AKT3: variants seen among roughly 807,000 people sequenced by gnomAD.
AKT3 encodes the protein AKT serine/threonine kinase 3.
AKT3 carries 15 observed loss-of-function variants against 65.3 expected under a neutral mutation model. The ratio of observed to expected loss-of-function variants is 0.23; its 90% CI spans 0.15 to 0.35. The LOEUF (loss-of-function observed/expected upper bound fraction) is 0.35. Among genes scored for constraint, AKT3 ranks in the 10% least tolerant of loss-of-function variants. The pLI is 1.00. For missense variants in AKT3, 243 were observed against 576.5 expected (o/e 0.42, Z 5.92); for synonymous variants, 206 against 183.8 (o/e 1.12, Z -0.98).
At chr1:243,670,088 A>G (rs768641850) in intron 3 of AKT3, among the ~76,000 whole-genome samples, 146 of 152,352 alleles carry the variant, frequency 9.6e-4, no homozygotes, top group Non-Finnish European at 1.9e-3. Context: ...TATTTCATTT[A>G]TGCTATAAAG....
chr1:243,668,897 A>C (rs941106608), intron 3 of AKT3, among the ~76,000 whole-genome samples: 3 of 152,364 alleles, frequency 2.0e-5, no homozygotes, highest in African/African-American at 7.2e-5. Context: ...TAGAATCAAT[A>C]GGTCATAAAA....
chr1:243,832,210 T>C (rs572790023), intron 2 of AKT3, among the ~76,000 whole-genome samples: 177 of 146,324 alleles, frequency 1.2e-3, no homozygotes, highest in African/African-American at 4.3e-3. Context: ...ATTCTACATA[T>C]GAGCTTAAGA....
intron 1 of AKT3, chr1:243,843,717 T>C: frequency 2.7e-6 from 1 of 366,826 alleles, no homozygotes; most frequent in Non-Finnish European, 3.8e-6. Context: ...AGTGGCGCGA[T>C]CTCTGCTCAC....
intron 2 of AKT3, among the ~76,000 whole-genome samples, chr1:243,827,119 T>C (rs1694219575): frequency 6.6e-6 from 1 of 152,194 alleles, no homozygotes; most frequent in Non-Finnish European, 1.5e-5. Context: ...TTTATACATA[T>C]ATCAACATAT....
chr1:243,590,216 T>C (rs988733609), intron 8 of AKT3, among the ~76,000 whole-genome samples: 1 of 152,200 alleles, frequency 6.6e-6, no homozygotes, highest in Non-Finnish European at 1.5e-5. Flanking sequence ...ATTTAAAATT[T>C]GCTAAGAGAG....
chr1:243,796,686 C>T (rs1457898994), intron 2 of AKT3, among the ~76,000 whole-genome samples: 1 of 152,136 alleles, frequency 6.6e-6, no homozygotes, highest in Admixed American at 6.5e-5. Context: ...CTTTCCTCTG[C>T]TTGTAACGTT....
intron 3 of AKT3, among the ~76,000 whole-genome samples, chr1:243,676,153 G>A (rs1683494357): frequency 6.6e-6 from 1 of 152,302 alleles, no homozygotes; most frequent in East Asian, 1.9e-4. Flanking sequence ...TCAACGAGTT[G>A]AAGTGAACGG....
intron 12 of AKT3, among the ~76,000 whole-genome samples, chr1:243,537,677 C>T (rs1461733875): frequency 6.6e-6 from 1 of 152,164 alleles, no homozygotes; most frequent in Non-Finnish European, 1.5e-5. Context: ...CGTGTCATTT[C>T]CTTACTTCAG....
At chr1:243,849,200 G>A (rs542182874) in intron 1 of AKT3, among the ~76,000 whole-genome samples, 38 of 152,336 alleles carry the variant, frequency 2.5e-4, no homozygotes, top group Admixed American at 2.1e-3. Context: ...AGGTGGACAA[G>A]GAAGAGGCTG....
chr1:243,633,659 A>C (rs1679769674), intron 6 of AKT3, among the ~76,000 whole-genome samples: 1 of 152,158 alleles, frequency 6.6e-6, no homozygotes, highest in Non-Finnish European at 1.5e-5. Context: ...ATGACAAGAG[A>C]ATTAAAATGT....
intron 3 of AKT3, among the ~76,000 whole-genome samples, chr1:243,680,990 A>G (rs1683871395): frequency 6.6e-6 from 1 of 152,154 alleles, no homozygotes. Context: ...CCCACACTGG[A>G]AAACCTCTCA....
At chr1:243,548,139 C>T (rs760604956) in intron 11 of AKT3, 2 of 152,182 alleles carry the variant, frequency 1.3e-5, no homozygotes, top group Admixed American at 6.5e-5. Context: ...CACCAAAACA[C>T]GTTTCTGAAA....
intron 3 of AKT3, among the ~76,000 whole-genome samples, chr1:243,671,614 C>T (rs781214735): frequency 1.3e-5 from 2 of 152,204 alleles, no homozygotes; most frequent in Middle Eastern, 3.4e-3. Flanking sequence ...ATCCAATGAG[C>T]GGAAGGTGAC....
At chr1:243,608,654 CGT>C (rs1380142220) in intron 8 of AKT3, among the ~76,000 whole-genome samples, 1 of 150,114 alleles carries the variant, frequency 6.7e-6, no homozygotes, top group African/African-American at 2.5e-5. Context: ...GAATTGTTTA[CGT>C]GTGTTTATTG....
chr1:243,789,230 T>A (rs542568052), intron 2 of AKT3, among the ~76,000 whole-genome samples: 199 of 152,232 alleles, frequency 1.3e-3, no homozygotes, highest in Non-Finnish European at 2.1e-3. Flanking sequence ...ATAATTTTTT[T>A]AAAAAATTAG....
chr1:243,579,807 A>G (rs1472469188), intron 8 of AKT3, among the ~76,000 whole-genome samples: 1 of 152,254 alleles, frequency 6.6e-6, no homozygotes, highest in African/African-American at 2.4e-5. Flanking sequence ...TTAATACAGA[A>G]TACTTGAACA....
At chr1:243,694,686 T>A (rs1395912188) in intron 3 of AKT3, among the ~76,000 whole-genome samples, 5 of 152,010 alleles carry the variant, frequency 3.3e-5, no homozygotes, top group Admixed American at 6.6e-5. Flanking sequence ...TAAAAAAAGA[T>A]CACGGCTTTT....
chr1:243,680,089 T>C (rs1471767514), intron 3 of AKT3, among the ~76,000 whole-genome samples: 2 of 152,162 alleles, frequency 1.3e-5, no homozygotes, highest in African/African-American at 2.4e-5. Context: ...GATGATTCAG[T>C]TATCATGAAC....
intron 4 of AKT3, among the ~76,000 whole-genome samples, chr1:243,649,816 A>G (rs918056055): frequency 6.6e-6 from 1 of 152,090 alleles, no homozygotes; most frequent in Non-Finnish European, 1.5e-5. Context: ...TCTATCACTG[A>G]TGGACATTTG....
Sources: gnomAD v4.1 joint callset for allele counts (sites outside exome capture counted in the v4.1 genomes callset) on GRCh38, gnomAD v4.1.1 for gene constraint, MANE v1.5 for transcripts, NCBI Gene and HGNC (gene_info 2026-07-23, HGNC 2026-07-21) for gene names.